The following PDE7B variants were observed in gnomAD, a reference collection of about 807,000 sequenced individuals.
PDE7B encodes the protein phosphodiesterase 7B, also known as 3',5'-cyclic-AMP phosphodiesterase 7B.
PDE7B carries 29 observed loss-of-function variants against 56.2 expected under a neutral mutation model. The ratio of observed to expected loss-of-function variants is 0.52; its 90% CI spans 0.38 to 0.70. PDE7B has a LOEUF of 0.70. Among genes scored for constraint, PDE7B ranks in the 30% least tolerant of loss-of-function variants. The pLI, the probability that PDE7B is intolerant of heterozygous loss-of-function variation, is 0.00. For missense variants in PDE7B, 490 were observed against 565.0 expected (o/e 0.87, Z 1.35); for synonymous variants, 197 against 196.9 (o/e 1.00, Z 0.00).
intron 8 of PDE7B, among the ~76,000 whole-genome samples, chr6:136,164,798 ACT>A (rs1210363498): frequency 6.6e-6 from 1 of 152,138 alleles, no homozygotes; most frequent in African/African-American, 2.4e-5. Context: ...GAAAATACAA[ACT>A]CTAGAGGGAA....
At chr6:136,047,712 G>A (rs1776539227) in intron 2 of PDE7B, among the ~76,000 whole-genome samples, 1 of 152,120 alleles carries the variant, frequency 6.6e-6, no homozygotes, top group Non-Finnish European at 1.5e-5. Flanking sequence ...AGAAATAGAA[G>A]AAATTGAGAC....
At chr6:135,987,097 G>A (rs1176380958) in intron 2 of PDE7B, among the ~76,000 whole-genome samples, 1 of 152,196 alleles carries the variant, frequency 6.6e-6, no homozygotes, top group Non-Finnish European at 1.5e-5. Flanking sequence ...AATTATCTTT[G>A]CAAGTAACTA....
intron 2 of PDE7B, among the ~76,000 whole-genome samples, chr6:135,964,021 T>C (rs1774950188): frequency 6.6e-6 from 1 of 152,134 alleles, no homozygotes; most frequent in Non-Finnish European, 1.5e-5. Flanking sequence ...GGCTCTATCA[T>C]CTAGTTCATT....
chr6:136,138,279 G>A (rs1326981536), intron 3 of PDE7B, among the ~76,000 whole-genome samples: 2 of 152,206 alleles, frequency 1.3e-5, no homozygotes, highest in East Asian at 1.9e-4. Flanking sequence ...TGCACTGGGA[G>A]TCCTTTTGGA....
intron 4 of PDE7B, among the ~76,000 whole-genome samples, chr6:136,147,801 A>G (rs1359232353): frequency 6.6e-6 from 1 of 152,254 alleles, no homozygotes; most frequent in Non-Finnish European, 1.5e-5. Context: ...TAAGTAAAGC[A>G]AAATTTTGGA....
chr6:136,022,029 T>C, intron 2 of PDE7B, among the ~76,000 whole-genome samples: 1 of 152,190 alleles, frequency 6.6e-6, no homozygotes. Flanking sequence ...TTTGTTTCTT[T>C]AGACATAGCA....
chr6:136,056,915 TA>T (rs1319124995), intron 2 of PDE7B, among the ~76,000 whole-genome samples: 1 of 152,184 alleles, frequency 6.6e-6, no homozygotes, highest in Non-Finnish European at 1.5e-5. Context: ...TCTATTTCCC[TA>T]AGCCCCTCCC....
At chr6:136,106,254 ATTTAAAGTCAGTGAGTCTATCAT>A (rs1465018631) in intron 2 of PDE7B, among the ~76,000 whole-genome samples, 1 of 152,206 alleles carries the variant, frequency 6.6e-6, no homozygotes, top group Non-Finnish European at 1.5e-5. Flanking sequence ...ACATAAATTT[ATTTAAAGTCAGTGAGTCTATCAT>A]TTTAACATGC....
intron 4 of PDE7B, among the ~76,000 whole-genome samples, chr6:136,148,595 C>G (rs1477107155): frequency 6.6e-6 from 1 of 152,120 alleles, no homozygotes; most frequent in Non-Finnish European, 1.5e-5. Context: ...TCATTCCTAA[C>G]AGCTTAAGGT....
intron 2 of PDE7B, among the ~76,000 whole-genome samples, chr6:136,024,668 G>T (rs144739168): frequency 2.6e-5 from 4 of 152,106 alleles, no homozygotes; most frequent in Admixed American, 2.0e-4. Context: ...AGAGATGCTT[G>T]TCATGTATGC....
At chr6:135,879,213 C>G (rs990974318) in intron 1 of PDE7B, among the ~76,000 whole-genome samples, 8 of 151,978 alleles carry the variant, frequency 5.3e-5, no homozygotes, top group South Asian at 2.1e-4. Context: ...GAATAAGAAG[C>G]CTTTTATTGC....
Position 136,193,631 on chromosome 6 carries a change from T to C in PDE7B, c.*1791T>C, listed in dbSNP as rs1779265296. 1.3e-5 allele frequency: 2 copies of C among 152,226 alleles called. No homozygotes were observed. The highest frequency in any genetic ancestry group is 2.4e-5 in the African/African-American group (1 of 41,462). The allele number at this position is 152,226 out of a possible 1,614,324, so 9.4% of individuals were successfully genotyped here. On this transcript the variant is annotated 3_prime_UTR_variant, in exon 13 of 13. Coordinates refer to ENST00000308191, the MANE Select transcript of PDE7B (RefSeq NM_018945.4). ...CCCTTTCTTTTTACTTTAAACAATG[T>C]GGTAGTGGGAGAATGACTGTTTCTG...
chr6:136,144,280 CAT>C (rs1190025903), intron 3 of PDE7B, among the ~76,000 whole-genome samples: 3 of 152,062 alleles, frequency 2.0e-5, no homozygotes, highest in South Asian at 2.1e-4. Context: ...CAAGAATACT[CAT>C]ATACTCTTTC....
chr6:135,877,828 A>G (rs1775529171), intron 1 of PDE7B, among the ~76,000 whole-genome samples: 1 of 152,022 alleles, frequency 6.6e-6, no homozygotes, highest in Non-Finnish European at 1.5e-5. Flanking sequence ...ACGTCAGTGG[A>G]TGATTAAAGT....
At chr6:136,018,792 A>T (rs928527815) in intron 2 of PDE7B, among the ~76,000 whole-genome samples, 1 of 151,934 alleles carries the variant, frequency 6.6e-6, no homozygotes, top group African/African-American at 2.4e-5. Context: ...ATATCTATAC[A>T]TATACGTGTG....
At chr6:135,925,000 T>TG (rs1774159348) in intron 1 of PDE7B, among the ~76,000 whole-genome samples, 1 of 150,974 alleles carries the variant, frequency 6.6e-6, no homozygotes. Context: ...TTGGGTGTTT[T>TG]TTTTTTTTTT....
chr6:135,992,113 G>T (rs112857521), intron 2 of PDE7B: 2,072 of 153,624 alleles, frequency 0.013, 57 homozygotes, highest in African/African-American at 0.046. Flanking sequence ...TAGACCAGGG[G>T]TGTCCAACCT....
At chr6:136,052,944 TCC>T (rs1235765598) in intron 2 of PDE7B, among the ~76,000 whole-genome samples, 1 of 151,936 alleles carries the variant, frequency 6.6e-6, no homozygotes, top group African/African-American at 2.4e-5. Context: ...GTCAGACCTG[TCC>T]CAAGGCACAA....
At chr6:135,927,874 A>G (rs1022067537) in intron 1 of PDE7B, among the ~76,000 whole-genome samples, 6 of 152,148 alleles carry the variant, frequency 3.9e-5, no homozygotes, top group African/African-American at 1.4e-4. Flanking sequence ...GGGAGAATAT[A>G]TTCCCAAATT....
Sources: allele counts gnomAD v4.1 joint callset (sites outside exome capture counted in the v4.1 genomes callset), GRCh38; gene constraint gnomAD v4.1.1; transcripts MANE v1.5; gene names NCBI Gene and HGNC (gene_info 2026-07-23, HGNC 2026-07-21).